Variants in SPG11 observed in about 807,000 individuals in gnomAD.
The protein encoded by SPG11 is SPG11 vesicle trafficking associated, spatacsin.
SPG11 carries 222 observed loss-of-function variants against 274.0 expected under a neutral mutation model. The observed-to-expected ratio is 0.81, with a 90% CI of 0.73 to 0.91. The LOEUF (loss-of-function observed/expected upper bound fraction) is 0.91. SPG11 is among the 40% of genes least tolerant of loss of function. The probability of loss-of-function intolerance (pLI) is 0.00; values close to 1 mark genes in which losing one functional copy is unlikely to be tolerated. For missense variants in SPG11, 3,114 were observed against 2,872.7 expected (o/e 1.08, Z -1.92); for synonymous variants, 1,144 against 1,039.7 (o/e 1.10, Z -1.93).
intron 16 of SPG11, among the ~76,000 whole-genome samples, chr15:44,615,023 T>C (rs1167764328): frequency 6.6e-6 from 1 of 152,250 alleles, no homozygotes; most frequent in East Asian, 1.9e-4. Flanking sequence ...CTTAGCATTC[T>C]CTTGGTAATC....
chr15:44,640,141 T>A (rs1224564326), intron 7 of SPG11, among the ~76,000 whole-genome samples: 1 of 152,084 alleles, frequency 6.6e-6, no homozygotes, highest in African/African-American at 2.4e-5. Flanking sequence ...ACCCAGGAGA[T>A]GGAGATTGCA....
At chr15:44,645,708 C>T (rs2084587547) in intron 7 of SPG11, among the ~76,000 whole-genome samples, 4 of 152,054 alleles carry the variant, frequency 2.6e-5, no homozygotes, top group Admixed American at 2.6e-4. Context: ...TATTTGCAAA[C>T]CATGCATCTG....
intron 21 of SPG11, 29 bp downstream of exon 21, chr15:44,600,438 C>T: frequency 6.2e-7 from 1 of 1,613,142 alleles, no homozygotes; most frequent in South Asian, 1.1e-5. Flanking sequence ...ACCACTGTAC[C>T]CAGACAAAAT....
chr15:44,583,706 G>A lies in SPG11; in HGVS notation c.5866+108C>T, dbSNP rs2082699569. On this transcript the variant is annotated intron_variant, in intron 30 of 39. Transcript: ENST00000261866. ...ACAGATTACCTGGAAAAAAGTTGTT[G>A]TCCCCTTAACTTGGTAGAACTATTC... 8.2e-6 allele frequency: 12 copies of A among 1,465,750 alleles called. No homozygotes were observed. In the South Asian group the frequency reaches 1.3e-4, roughly 16 times the overall value. The allele number at this position is 1,465,750 out of a possible 1,614,324, so 90.8% of individuals were successfully genotyped here.
chr15:44,607,554 C>T (rs1464873265), intron 19 of SPG11, among the ~76,000 whole-genome samples: 1 of 152,176 alleles, frequency 6.6e-6, no homozygotes, highest in Non-Finnish European at 1.5e-5. Flanking sequence ...CAGGCATGAG[C>T]CACTGCACCC....
At position 44,583,973 on chromosome 15, in the gene SPG11, A is replaced by C; in HGVS notation, c.5707T>G (p.Phe1903Val). The C allele has an allele frequency of 6.2e-7, 1 of 1,614,222 alleles. No homozygotes were observed. Among genetic ancestry groups the C allele is most frequent in the Non-Finnish European group, 8.5e-7 (1 of 1,180,048 alleles). The change falls in exon 30 of 40, where the codon TTT becomes GTT. Residue 1903 changes from phenylalanine to valine, a missense_variant. By Grantham distance (50) the Phe-to-Val change is conservative (BLOSUM62 -1). Coordinates refer to ENST00000261866, the MANE Select transcript of SPG11 (RefSeq NM_025137.4). ...EASRVCRYFH[F>V]YNPDVALVLH... The stretch of plus-strand genomic sequence containing the variant: ...ACCAAGGCGACATCTGGATTATAAA[A>C]ATGAAAATACCGGCATACTCTACTT...
chr15:44,603,298 G>T (rs2083242117), intron 20 of SPG11, among the ~76,000 whole-genome samples: 1 of 152,078 alleles, frequency 6.6e-6, no homozygotes, highest in South Asian at 2.1e-4. Context: ...TTGCTATGTT[G>T]TCCAAGCTGG....
intron 10 of SPG11, among the ~76,000 whole-genome samples, chr15:44,627,662 T>G (rs1176615042): frequency 6.6e-6 from 1 of 151,916 alleles, no homozygotes; most frequent in African/African-American, 2.4e-5. Flanking sequence ...CGATCTCAGC[T>G]CACCGCAACC....
intron 27 of SPG11, 43 bp downstream of exon 27, chr15:44,592,288 C>A (rs201324127): frequency 4.9e-6 from 6 of 1,215,832 alleles, no homozygotes; most frequent in Non-Finnish European, 7.3e-6. Context: ...GCATGCCAAC[C>A]AAGTGCAGAT....
At position 44,562,923 on chromosome 15, in the gene SPG11, T is replaced by C; in HGVS notation, c.*198A>G. On this transcript the variant is annotated 3_prime_UTR_variant, in exon 40 of 40. Transcript: ENST00000261866. ...TATATAAAATGGTGTGGATGAACAA[T>C]CATCTAAAATCAATCTATTTTAAAT... is the stretch of plus-strand genomic sequence containing the variant. 1 of 579,742 alleles carries C rather than the reference T, an allele frequency of 1.7e-6. No homozygotes were observed. Among genetic ancestry groups the C allele is most frequent in the Non-Finnish European group, 3.1e-6 (1 of 326,612 alleles). The allele number at this position is 579,742 out of a possible 1,614,324, so 35.9% of individuals were successfully genotyped here.
chr15:44,563,994 T>G (rs1477162793), intron 39 of SPG11, among the ~76,000 whole-genome samples: 2 of 152,094 alleles, frequency 1.3e-5, no homozygotes, highest in Non-Finnish European at 2.9e-5. Context: ...TGTTTTAGTG[T>G]TTTTCGTTTC....
chr15:44,566,359 C>A, intron 36 of SPG11, 54 bp from the exon 37 acceptor site: 1 of 1,524,472 alleles, frequency 6.6e-7, no homozygotes, highest in African/African-American at 1.4e-5. Flanking sequence ...GCTCACTGTT[C>A]TCATCCCACT....
rs78142819 is a variant in SPG11 at position 44,564,972 on chromosome 15, C to A, written c.7000-274G>T. On this transcript the variant is annotated intron_variant, in intron 38 of 39. Transcript: ENST00000261866. ...AGGCTGGACCAGAAATTCCTGGGCT[C>A]AAGATCCTCCCGCCTCAGCCTCCTG... Among the ~76,000 whole-genome samples, 813 of 152,122 alleles carry A rather than the reference C, an allele frequency of 5.3e-3. 4 individuals carry two copies. The highest frequency in any genetic ancestry group is 8.5e-3 in the Non-Finnish European group (580 of 67,980).
rs755278777 is a variant in SPG11 at position 44,628,774 on chromosome 15, C to A, written c.1962G>T (p.Met654Ile). The A allele has an allele frequency of 1.2e-5, 20 of 1,613,728 alleles. No individual in the cohort carries two copies. The highest frequency in any genetic ancestry group is 1.7e-5 in the Non-Finnish European group (20 of 1,179,884). ...CTGTTAGCTTCCAAGGAAACTTTAT[C>A]ATGAAGGTTCGAAGTTCATTAATGT... is the stretch of plus-strand genomic sequence containing the variant. ...TSYINELRTF[M>I]IKFPWKLTDA... is the part of the protein sequence containing the mutation. The change falls in exon 10 of 40, where the codon ATG becomes ATT. Residue 654 changes from methionine to isoleucine, a missense_variant. Physicochemically the swap from Met to Ile is conservative, Grantham distance 10 (BLOSUM62 1). Coordinates refer to ENST00000261866, the MANE Select transcript of SPG11 (RefSeq NM_025137.4).
Position 44,608,465 on chromosome 15 carries a change from A to T in SPG11, c.3432T>A (p.Ile1144=). ...CTPPSVLPSD[I]TIYHLIQSLS... ...GTACCTGAATAAGGTGGTAGATTGT[A>T]ATATCAGATGGCAGGACACTAGGAG... The change falls in exon 19 of 40, where the codon ATT becomes ATA. Residue 1144 remains isoleucine, a synonymous_variant. Coordinates refer to ENST00000261866, the MANE Select transcript of SPG11 (RefSeq NM_025137.4). The T allele has an allele frequency of 6.2e-7, 1 of 1,614,156 alleles. No homozygotes were observed. The highest frequency in any genetic ancestry group is 1.3e-5 in the African/African-American group (1 of 75,042).
chr15:44,569,528 G>C (rs566884077), intron 34 of SPG11, 23 bp from the exon 35 acceptor site: 2 of 1,525,068 alleles, frequency 1.3e-6, no homozygotes, highest in East Asian at 4.7e-5. Context: ...AGGACAGCTC[G>C]CATCAGCATC....
intron 21 of SPG11, among the ~76,000 whole-genome samples, chr15:44,599,951 T>C (rs1375107113): frequency 6.6e-6 from 1 of 152,214 alleles, no homozygotes; most frequent in East Asian, 1.9e-4. Context: ...TATCAACCCG[T>C]CATCTAGGTT....
In SPG11 at chr15:44,651,545, T is replaced by C; in HGVS notation, c.1402A>G (p.Lys468Glu). ...QGMQCFSLGT[K>E]CIPVDSSGDQ... Reference sequence around the variant, plus strand: ...CCACTACTGTCTACAGGAATACACTTTGTGCCAAGGGAAAAACACTGCATG... The same window carrying C: ...CCACTACTGTCTACAGGAATACACTCTGTGCCAAGGGAAAAACACTGCATG... The change falls in exon 6 of 40, where the codon AAG (lysine) becomes GAG (glutamate). Residue 468 changes from lysine to glutamate, a missense_variant. By Grantham distance (56) the Lys-to-Glu change is moderately conservative (BLOSUM62 1). Transcript: ENST00000261866. The C allele has an allele frequency of 6.2e-7, 1 of 1,614,180 alleles. No individual in the cohort carries two copies. Among genetic ancestry groups the C allele is most frequent in the East Asian group, 2.2e-5 (1 of 44,882 alleles).
At chr15:44,601,750 G>C (rs1330112471) in intron 20 of SPG11, among the ~76,000 whole-genome samples, 9 of 151,828 alleles carry the variant, frequency 5.9e-5, no homozygotes, top group Admixed American at 5.3e-4. Flanking sequence ...GTAGAGACGG[G>C]GTTTCGCCAT....
Sources: gnomAD v4.1 joint callset for allele counts (sites outside exome capture counted in the v4.1 genomes callset) on GRCh38, gnomAD v4.1.1 for gene constraint, MANE v1.5 for transcripts, NCBI Gene and HGNC (gene_info 2026-07-23, HGNC 2026-07-21) for gene names.